Variants in CRYBG2 observed in about 807,000 individuals in gnomAD.
CRYBG2 encodes the protein beta/gamma crystallin domain-containing protein 2.
Under a neutral mutation model 153.4 loss-of-function variants are expected in CRYBG2, and 106 were observed. That is an observed-to-expected ratio of 0.69 (90% CI 0.59 to 0.81). CRYBG2 has a LOEUF of 0.81. CRYBG2 is among the 30% of genes least tolerant of loss of function. The pLI, the probability that CRYBG2 is intolerant of heterozygous loss-of-function variation, is 0.00. For synonymous variants in CRYBG2, 851 were observed against 877.8 expected, an observed-to-expected ratio of 0.97 and a Z score of 0.54; for missense variants, 1,996 against 2,112.0, an observed-to-expected ratio of 0.95 and a Z score of 1.08.
intron 1 of CRYBG2, among the ~76,000 whole-genome samples, chr1:26,352,963 A>C (rs1246117372): frequency 2.0e-5 from 3 of 151,866 alleles, no homozygotes; most frequent in Non-Finnish European, 2.9e-5. Context: ...CTGCTACTAC[A>C]ATGCTGCCCA....
At chr1:26,342,268 C>G (rs2074140395) in intron 5 of CRYBG2, among the ~76,000 whole-genome samples, 1 of 152,150 alleles carries the variant, frequency 6.6e-6, no homozygotes, top group African/African-American at 2.4e-5. Flanking sequence ...AGCTTGGCCT[C>G]TGCCTGGGCC....
Position 26,349,122 on chromosome 1 carries a change from T to C in CRYBG2, c.-55-2410A>G, listed in dbSNP as rs1238945998. ...GGGCGGAGGTTGCAGTGAGCTGAGA[T>C]CACGCCTCTGCACTCCAGCCTGGGC... On this transcript the variant is annotated intron_variant, in intron 1 of 19. Transcript: ENST00000308182. 2.6e-5 allele frequency among the ~76,000 whole-genome samples: 4 copies of C among 151,796 alleles called. No individual in the cohort carries two copies. In the South Asian group the frequency reaches 6.2e-4, roughly 24 times the overall value.
In CRYBG2 at chr1:26,345,866, T is replaced by C; in HGVS notation, c.792A>G (p.Thr264=). The change falls in exon 2 of 20, where the codon ACA becomes ACG. Residue 264 remains threonine (T), a synonymous_variant. Coordinates refer to ENST00000308182, the MANE Select transcript of CRYBG2 (RefSeq NM_001039775.4). ...PRPTAGGPRS[T]GLGSTVGAAL... ...CTGCCCCCACTGTGCTGCCCAGACC[T>C]GTGCTCCTTGGCCCGCCAGCCGTGG... 2 of 1,596,944 alleles carry C rather than the reference T, an allele frequency of 1.3e-6. No individual in the cohort carries two copies. The highest frequency in any genetic ancestry group is 1.7e-6 in the Non-Finnish European group (2 of 1,179,342).
intron 15 of CRYBG2, among the ~76,000 whole-genome samples, chr1:26,330,306 T>TA (rs372328585): frequency 1.4e-3 from 213 of 152,140 alleles, no homozygotes; most frequent in African/African-American, 4.2e-3. Flanking sequence ...CTCAGGGCCC[T>TA]AAAGCTGGGC....
chr1:26,339,173 C>T, intron 6 of CRYBG2, 117 bp downstream of exon 6: 3 of 1,341,718 alleles, frequency 2.2e-6, no homozygotes, highest in South Asian at 1.4e-5. Context: ...ACTTGCCTGT[C>T]CCCACCAGTG....
rs1210336793 is a variant in CRYBG2 at position 26,336,596 on chromosome 1, C to T, written c.4038+10G>A. 1.3e-6 allele frequency: 2 copies of T among 1,545,596 alleles called. No individual in the cohort carries two copies. The highest frequency in any genetic ancestry group is 4.9e-5 in the East Asian group (2 of 40,494). ...CCGGGGAGGCCCCGCCCCCCGCGGCCGGCACGCACCTGTAGGACCGGCTGC... is the reference window on the plus strand; with the variant it reads ...CCGGGGAGGCCCCGCCCCCCGCGGCTGGCACGCACCTGTAGGACCGGCTGC... On this transcript the variant is annotated intron_variant, in intron 12 of 19. Transcript: ENST00000308182. The surrounding 1 kb of genome is among the most constrained non-coding windows in gnomAD (Gnocchi z 4.9).
chr1:26,322,424 G>A, intron 18 of CRYBG2, 101 bp from the exon 19 acceptor site: 2 of 1,361,134 alleles, frequency 1.5e-6, no homozygotes, highest in Non-Finnish European at 2.0e-6. Flanking sequence ...GGCTCTTAGG[G>A]ACTGTGGCCC....
chr1:26,338,163 T>C (rs983129031), intron 7 of CRYBG2, 116 bp from the exon 8 acceptor site: 2 of 1,456,158 alleles, frequency 1.4e-6, no homozygotes, highest in African/African-American at 1.4e-5. Flanking sequence ...CCTTTTCCCC[T>C]ACCTCTTAGG....
chr1:26,341,027 T>G (rs1377950168), intron 5 of CRYBG2, among the ~76,000 whole-genome samples: 1 of 152,054 alleles, frequency 6.6e-6, no homozygotes, highest in Non-Finnish European at 1.5e-5. Context: ...TGGACTCAGT[T>G]ATTCATTCTT....
rs112301841 is a variant in CRYBG2 at position 26,347,293 on chromosome 1, T to G, written c.-55-581A>C. On this transcript the variant is annotated intron_variant, in intron 1 of 19. Transcript: ENST00000308182. ...TGAAACCTCCCCCTGCGTTTTTTTTTTTTTTTTTTTTTTTTTGTGAGACAG... is the reference window on the plus strand; with the variant it reads ...TGAAACCTCCCCCTGCGTTTTTTTTGTTTTTTTTTTTTTTTTGTGAGACAG... 8.4e-4 allele frequency among the ~76,000 whole-genome samples: 113 copies of G among 133,988 alleles called. 1 individual carries two copies. The highest frequency in any genetic ancestry group is 3.1e-3 in the African/African-American group (109 of 34,640). 87.9% of individuals were successfully genotyped at this position (133,988 alleles called of 152,430 possible).
intron 17 of CRYBG2, among the ~76,000 whole-genome samples, chr1:26,327,649 CAAA>C (rs55965740): frequency 3.4e-5 from 4 of 116,498 alleles, no homozygotes; most frequent in Admixed American, 1.7e-4. Flanking sequence ...AACTCCATCT[CAAA>C]AAAAAAAAAA....
At chr1:26,332,104 G>A (rs1226939477) in intron 14 of CRYBG2, among the ~76,000 whole-genome samples, 4 of 149,690 alleles carry the variant, frequency 2.7e-5, no homozygotes, top group East Asian at 1.9e-4. Flanking sequence ...TCAGGAGATC[G>A]AGACCATCCT....
At chr1:26,329,237 C>T (rs1167413467) in intron 15 of CRYBG2, among the ~76,000 whole-genome samples, 6 of 130,364 alleles carry the variant, frequency 4.6e-5, no homozygotes, top group Non-Finnish European at 6.2e-5. Flanking sequence ...AGTACAGTGG[C>T]GCGATATTGG....
At chr1:26,337,126 T>C in intron 10 of CRYBG2, 127 bp downstream of exon 10, 8 of 1,551,456 alleles carry the variant, frequency 5.2e-6, no homozygotes, top group Non-Finnish European at 7.0e-6. Context: ...GAAGAGAGGC[T>C]AGACCTCTGG....
chr1:26,322,054 C>A lies in CRYBG2; in HGVS notation c.4900G>T (p.Gly1634Cys). The A allele has an allele frequency of 6.2e-7, 1 of 1,606,290 alleles. No homozygotes were observed. Among genetic ancestry groups the A allele is most frequent in the Non-Finnish European group, 8.5e-7 (1 of 1,173,808 alleles). Residue 1634 changes from glycine to cysteine, a missense_variant and splice_region_variant, in exon 20 of 20, where the codon GGC becomes TGC. Physicochemically the swap from Gly to Cys is radical, Grantham distance 159. Coordinates refer to ENST00000308182, the MANE Select transcript of CRYBG2 (RefSeq NM_001039775.4). The stretch of plus-strand genomic sequence containing the variant: ...ACGTGGTCCCGGTCGTAGCCCCGGC[C>A]TCCTGGGGGTGGGATGGGGATTAAA... ...FEGQILDVKG[G>C]RGYDRDHVVL... is the part of the protein sequence containing the mutation.
chr1:26,333,048 A>C (rs981608709), intron 14 of CRYBG2, among the ~76,000 whole-genome samples: 1 of 128,352 alleles, frequency 7.8e-6, no homozygotes, highest in Non-Finnish European at 1.7e-5. Context: ...AAAAAAAAAG[A>C]TTTCTAACAG....
intron 17 of CRYBG2, chr1:26,326,665 A>T (rs576173133): frequency 1.0e-4 from 22 of 213,678 alleles, no homozygotes; most frequent in Non-Finnish European, 2.1e-4. Context: ...TCTTCTGGGG[A>T]TATTGTCTAG....
At chr1:26,350,893 T>C (rs968058681) in intron 1 of CRYBG2, among the ~76,000 whole-genome samples, 16 of 152,096 alleles carry the variant, frequency 1.1e-4, no homozygotes, top group African/African-American at 3.9e-4. Flanking sequence ...CTCCCCCATT[T>C]CCCATTGTCC....
rs751124330 is a variant in CRYBG2 at position 26,337,522 on chromosome 1, G to T, written c.3644+16C>A. The T allele has an allele frequency of 2.0e-5, 32 of 1,610,750 alleles. No individual in the cohort carries two copies. In the East Asian group the frequency reaches 6.7e-4, roughly 34 times the overall value. Reference sequence around the variant, plus strand: ...CCAGAGGTGATGAAATAGAAGGAAGGGTCCTGAGTTCTCACCAGCCTCCGA... The same window carrying T: ...CCAGAGGTGATGAAATAGAAGGAAGTGTCCTGAGTTCTCACCAGCCTCCGA... On this transcript the variant is annotated intron_variant, in intron 9 of 19. Coordinates refer to ENST00000308182, the MANE Select transcript of CRYBG2 (RefSeq NM_001039775.4).
Sources: allele counts gnomAD v4.1 joint callset (sites outside exome capture counted in the v4.1 genomes callset), GRCh38; gene constraint gnomAD v4.1.1; non-coding constraint Gnocchi (gnomAD v3.1); transcripts MANE v1.5; gene names NCBI Gene and HGNC (gene_info 2026-07-23, HGNC 2026-07-21).